Variants in TJP1 observed in about 807,000 individuals in gnomAD.
TJP1 encodes tight junction protein 1.
Under a neutral mutation model 194.2 loss-of-function variants are expected in TJP1, and 43 were observed. The observed-to-expected ratio is 0.22, with a 90% confidence interval of 0.17 to 0.29. The LOEUF (loss-of-function observed/expected upper bound fraction) is 0.29, where lower values mean the gene tolerates loss of function less well. Among genes scored for constraint, TJP1 ranks in the 10% least tolerant of loss-of-function variants. TJP1 has a pLI of 1.00. For synonymous variants in TJP1, 801 were observed against 779.0 expected (o/e 1.03, Z -0.47); for missense variants, 1,971 against 2,185.7 (o/e 0.90, Z 1.96).
chr15:29,891,941 C>T (rs889409891), intron 2 of TJP1, among the ~76,000 whole-genome samples: 2 of 152,080 alleles, frequency 1.3e-5, no homozygotes, highest in African/African-American at 4.8e-5. Flanking sequence ...GTAAAAGGTC[C>T]GTCATATTAA....
chr15:29,741,547 T>C, intron 9 of TJP1, 111 bp from the exon 10 acceptor site: 1 of 699,848 alleles, frequency 1.4e-6, no homozygotes, highest in South Asian at 1.7e-5. Context: ...GAGGAACATA[T>C]CTACCATATG....
intron 5 of TJP1, among the ~76,000 whole-genome samples, chr15:29,763,206 T>C (rs981642487): frequency 6.6e-6 from 1 of 152,122 alleles, no homozygotes; most frequent in Non-Finnish European, 1.5e-5. Context: ...ACTCCGTCTG[T>C]GGGTAAGGAA....
At chr15:29,813,533 C>T (rs2049682274) in intron 1 of TJP1, among the ~76,000 whole-genome samples, 2 of 152,114 alleles carry the variant, frequency 1.3e-5, no homozygotes, top group Non-Finnish European at 2.9e-5. Context: ...AAACATAATG[C>T]TGAGCAAAAG....
Position 29,822,406 on chromosome 15 carries a change from C to CCGGCGGCCGCCAAGGAACG in TJP1, c.-397_-379dup, listed in dbSNP as rs1274686424. On this transcript the variant is annotated 5_prime_UTR_variant, in exon 1 of 28. Coordinates refer to ENST00000614355, the MANE Select transcript of TJP1 (RefSeq NM_001330239.4). Reference sequence around the variant, plus strand: ...GCTTCGCCACGTAACTTCCCGGGAACCGGCGGCCGCCAAGGAACGCGGCGT... The same window carrying CCGGCGGCCGCCAAGGAACG: ...GCTTCGCCACGTAACTTCCCGGGAACCGGCGGCCGCCAAGGAACGCGGCGGCCGCCAAGGAACGCGGCGT... The CCGGCGGCCGCCAAGGAACG allele has an allele frequency of 1.1e-5, 11 of 995,644 alleles. No homozygotes were observed. The highest frequency in any genetic ancestry group is 1.0e-4 in the African/African-American group (6 of 57,662). 61.7% of individuals were successfully genotyped at this position (995,644 alleles called of 1,614,324 possible). A position where few individuals can be genotyped will look rare whatever the true frequency, so the allele number is the denominator to read the frequency against.
chr15:29,919,346 C>T (rs532611702), intron 2 of TJP1, among the ~76,000 whole-genome samples: 4 of 152,164 alleles, frequency 2.6e-5, no homozygotes, highest in Non-Finnish European at 5.9e-5. Context: ...CTTCTGGCCT[C>T]ACACTATGGG....
At chr15:29,845,390 G>A (rs2051369507) in intron 2 of TJP1, among the ~76,000 whole-genome samples, 1 of 152,052 alleles carries the variant, frequency 6.6e-6, no homozygotes, top group Admixed American at 6.6e-5. Context: ...AGATACAAAA[G>A]GAAATACGAA....
intron 2 of TJP1, among the ~76,000 whole-genome samples, chr15:29,782,092 T>G (rs762040918): frequency 6.6e-6 from 1 of 152,208 alleles, no homozygotes; most frequent in African/African-American, 2.4e-5. Flanking sequence ...GTGCAAAAGC[T>G]CCTTAAGCTG....
At chr15:29,818,420 C>T (rs2050085435) in intron 1 of TJP1, among the ~76,000 whole-genome samples, 1 of 151,894 alleles carries the variant, frequency 6.6e-6, no homozygotes, top group Non-Finnish European at 1.5e-5. Flanking sequence ...TTTCAACTTT[C>T]TAATAATCTT....
Position 29,701,526 on chromosome 15 carries a change from G to C in TJP1, c.*69C>G. ...CAACTCTAAAAAAGGTATAATACTT[G>C]ATAGAGTGGTTCCATTTAGATTAAG... On this transcript the variant is annotated 3_prime_UTR_variant, in exon 28 of 28. Coordinates refer to ENST00000614355, the MANE Select transcript of TJP1 (RefSeq NM_001330239.4). 3 of 1,290,156 alleles carry C rather than the reference G, an allele frequency of 2.3e-6. No individual in the cohort carries two copies. The highest frequency in any genetic ancestry group is 3.5e-5 in the Admixed American group (2 of 56,720). The allele number at this position is 1,290,156 out of a possible 1,614,324, so 79.9% of individuals were successfully genotyped here.
intron 2 of TJP1, among the ~76,000 whole-genome samples, chr15:29,831,641 C>T (rs981475146): frequency 3.9e-5 from 6 of 152,158 alleles, no homozygotes; most frequent in Non-Finnish European, 7.4e-5. Context: ...CTTTTCAAAT[C>T]TACTCACTGT....
chr15:29,919,458 G>GA (rs2054287823), intron 2 of TJP1, among the ~76,000 whole-genome samples: 1 of 152,136 alleles, frequency 6.6e-6, no homozygotes, highest in Non-Finnish European at 1.5e-5. Flanking sequence ...GAACAGAGGT[G>GA]AAAAAAACAA....
At position 29,720,607 on chromosome 15, in the gene TJP1, T is replaced by C; in HGVS notation, c.2514A>G (p.Arg838=). 4 of 1,614,170 alleles carry C rather than the reference T, an allele frequency of 2.5e-6. No individual in the cohort carries two copies. The highest frequency in any genetic ancestry group is 3.4e-6 in the Non-Finnish European group (4 of 1,180,036). Residue 838 remains arginine (R), a synonymous_variant, in exon 19 of 28, where the codon AGA becomes AGG. Transcript: ENST00000614355. The part of the protein sequence containing the change: ...SEYSMYSTDS[R]HTSDYEDTDT... Reference sequence around the variant, plus strand: ...CTGTGTCTTCATAGTCAGAAGTGTGTCTACTGTCCGTGCTATACATTGAGT... The same window carrying C: ...CTGTGTCTTCATAGTCAGAAGTGTGCCTACTGTCCGTGCTATACATTGAGT...
intron 27 of TJP1, among the ~76,000 whole-genome samples, chr15:29,701,911 G>A (rs2041570090): frequency 6.6e-6 from 1 of 152,034 alleles, no homozygotes; most frequent in Non-Finnish European, 1.5e-5. Context: ...TTTTTAAAAC[G>A]TTCTTTCTAA....
intron 2 of TJP1, among the ~76,000 whole-genome samples, chr15:29,786,504 C>G (rs2047709579): frequency 6.6e-6 from 1 of 152,088 alleles, no homozygotes; most frequent in African/African-American, 2.4e-5. Context: ...GTTCCATAAA[C>G]TTTTTGTTTT....
chr15:29,721,234 T>G (rs1312078399), intron 18 of TJP1, among the ~76,000 whole-genome samples: 2 of 152,192 alleles, frequency 1.3e-5, no homozygotes, highest in African/African-American at 2.4e-5. Context: ...CATGTTGAAT[T>G]GTAATCCCCA....
chr15:29,699,902 G>A (rs1448632724), downstream of TJP1: 1 of 195,260 alleles, frequency 5.1e-6, no homozygotes, highest in Admixed American at 6.0e-5. Flanking sequence ...TACCCACAGG[G>A]GGAAGTCGGC....
intron 2 of TJP1, among the ~76,000 whole-genome samples, chr15:29,840,334 T>C (rs750271005): frequency 1.1e-4 from 16 of 152,180 alleles, no homozygotes; most frequent in Admixed American, 9.2e-4. Context: ...CTCTCTCTTA[T>C]GAATTTTCTA....
chr15:29,903,964 A>C (rs1405263082), intron 2 of TJP1, among the ~76,000 whole-genome samples: 1 of 152,198 alleles, frequency 6.6e-6, no homozygotes, highest in Non-Finnish European at 1.5e-5. Context: ...AGAATTGAGA[A>C]GCACAAGTGC....
intron 2 of TJP1, among the ~76,000 whole-genome samples, chr15:29,849,304 T>C (rs539800584): frequency 6.6e-6 from 1 of 152,302 alleles, no homozygotes; most frequent in East Asian, 1.9e-4. Flanking sequence ...GCCACATGTA[T>C]GGTATGCTGG....
Sources: gnomAD v4.1 joint callset for allele counts (sites outside exome capture counted in the v4.1 genomes callset) on GRCh38, gnomAD v4.1.1 for gene constraint, MANE v1.5 for transcripts, NCBI Gene and HGNC (gene_info 2026-07-23, HGNC 2026-07-21) for gene names.